The following MCTP1 variants were observed in gnomAD, a reference collection of about 807,000 sequenced individuals.
MCTP1 encodes multiple C2 and transmembrane domain-containing protein 1.
Under a neutral mutation model 120.6 loss-of-function variants are expected in MCTP1, and 69 were observed. The observed-to-expected ratio is 0.57, with a 90% CI of 0.47 to 0.70. The LOEUF (loss-of-function observed/expected upper bound fraction) is 0.70, where lower values mean the gene tolerates loss of function less well. Ranked by LOEUF, MCTP1 falls within the 30% of genes least tolerant of loss-of-function variation. The probability of loss-of-function intolerance (pLI) is 0.00; values close to 1 mark genes in which losing one functional copy is unlikely to be tolerated. For synonymous variants in MCTP1, 529 were observed against 493.1 expected (o/e 1.07, Z -0.96); for missense variants, 1,203 against 1,248.8 (o/e 0.96, Z 0.55).
intron 19 of MCTP1, among the ~76,000 whole-genome samples, chr5:94,725,557 C>T (rs966258084): frequency 2.6e-5 from 4 of 152,164 alleles, no homozygotes; most frequent in African/African-American, 7.2e-5. Flanking sequence ...TTGTTTACTT[C>T]ATTTTCAAAT....
At chr5:94,951,134 G>C (rs1314164008) in intron 3 of MCTP1, among the ~76,000 whole-genome samples, 1 of 151,994 alleles carries the variant, frequency 6.6e-6, no homozygotes, top group Non-Finnish European at 1.5e-5. Flanking sequence ...CCTTCCAACT[G>C]TCCAGTGTTT....
intron 20 of MCTP1, among the ~76,000 whole-genome samples, chr5:94,713,377 A>G (rs1342104407): frequency 6.6e-6 from 1 of 152,096 alleles, no homozygotes; most frequent in African/African-American, 2.4e-5. Flanking sequence ...TCCCTCAGCT[A>G]GTCATGTTTT....
At chr5:95,117,428 T>G (rs1675335064) in intron 1 of MCTP1, among the ~76,000 whole-genome samples, 1 of 145,240 alleles carries the variant, frequency 6.9e-6, no homozygotes, top group Non-Finnish European at 1.5e-5. Context: ...TCAACATCAC[T>G]GATCATTAAA....
chr5:94,868,136 G>T, intron 17 of MCTP1, 197 bp downstream of exon 17: 1 of 402,484 alleles, frequency 2.5e-6, no homozygotes, highest in Non-Finnish European at 4.2e-6. Flanking sequence ...AAATCTGAGG[G>T]GGGAAAATGT....
chr5:94,913,304 T>C (rs536542010), intron 8 of MCTP1, among the ~76,000 whole-genome samples: 2 of 152,348 alleles, frequency 1.3e-5, no homozygotes, highest in Admixed American at 6.5e-5. Context: ...CCAAAATATG[T>C]ATACAATAAA....
chr5:94,919,698 G>A (rs1811052289), intron 7 of MCTP1, among the ~76,000 whole-genome samples: 1 of 152,114 alleles, frequency 6.6e-6, no homozygotes, highest in Non-Finnish European at 1.5e-5. Context: ...ACTGTTTTGT[G>A]CTGCAAAGAC....
intron 1 of MCTP1, among the ~76,000 whole-genome samples, chr5:95,076,730 G>GTCC (rs1399647872): frequency 2.0e-5 from 3 of 152,162 alleles, no homozygotes. Context: ...GGAATAGAAT[G>GTCC]TCCTCAAACC....
At chr5:94,914,840 G>A (rs1161170145) in intron 8 of MCTP1, among the ~76,000 whole-genome samples, 2 of 152,128 alleles carry the variant, frequency 1.3e-5, no homozygotes, top group Non-Finnish European at 1.5e-5. Flanking sequence ...AATTTGTTGC[G>A]CCCAGTTATG....
At chr5:94,770,341 G>GA (rs1773769234) in intron 19 of MCTP1, among the ~76,000 whole-genome samples, 1 of 152,178 alleles carries the variant, frequency 6.6e-6, no homozygotes, top group Non-Finnish European at 1.5e-5. Context: ...CAAGAAAGGG[G>GA]AATAGAAGAG....
chr5:95,065,346 A>C (rs550505854), intron 1 of MCTP1, among the ~76,000 whole-genome samples: 43 of 152,208 alleles, frequency 2.8e-4, no homozygotes, highest in African/African-American at 8.2e-4. Flanking sequence ...TCACAAATAT[A>C]TATGTAAATA....
intron 21 of MCTP1, chr5:94,709,244 G>A (rs1755860132): frequency 1.3e-5 from 2 of 151,986 alleles, no homozygotes; most frequent in African/African-American, 4.8e-5. Context: ...TAAACTTCTG[G>A]AATCTTGATT....
At chr5:94,994,689 T>A (rs144638035) in intron 2 of MCTP1, among the ~76,000 whole-genome samples, 1,786 of 152,274 alleles carry the variant, frequency 0.012, 14 homozygotes, top group Middle Eastern at 0.061. Flanking sequence ...CCTGGGTGTG[T>A]CTGTGAGGGT....
Position 94,998,734 on chromosome 5 carries a change from C to T in MCTP1, c.838+18633G>A, listed in dbSNP as rs548044408. On this transcript the variant is annotated intron_variant, in intron 2 of 22. Coordinates refer to ENST00000515393, the MANE Select transcript of MCTP1 (RefSeq NM_024717.7). ...TTGTGCCCTATAGTTTACTTTTTGA[C>T]GTACAGGGCCAAATTCCACTGCATT... Among the ~76,000 whole-genome samples the T allele has an allele frequency of 5.9e-5, 9 of 152,300 alleles. No individual in the cohort carries two copies. The South Asian group carries it at 8.3e-4, about 14-fold the overall frequency.
chr5:94,943,071 T>C (rs76845182), intron 3 of MCTP1, among the ~76,000 whole-genome samples: 1 of 152,062 alleles, frequency 6.6e-6, no homozygotes, highest in African/African-American at 2.4e-5. Flanking sequence ...TCTTATTCAC[T>C]CTATGGTAAG....
At chr5:94,887,551 TAGAA>T (rs1450040217) in intron 12 of MCTP1, among the ~76,000 whole-genome samples, 1 of 152,192 alleles carries the variant, frequency 6.6e-6, no homozygotes, top group African/African-American at 2.4e-5. Context: ...ATAATCATAC[TAGAA>T]AGAAATTTCA....
Position 94,705,859 on chromosome 5 carries a change from C to A in MCTP1, c.*1637G>T, listed in dbSNP as rs896324747. 1 of 151,532 alleles carries A rather than the reference C, an allele frequency of 6.6e-6. No homozygotes were observed. The highest frequency in any genetic ancestry group is 2.4e-5 in the African/African-American group (1 of 41,348). The allele number at this position is 151,532 out of a possible 1,614,324, so 9.4% of individuals were successfully genotyped here. A position where few individuals can be genotyped will look rare whatever the true frequency, so the allele number is the denominator to read the frequency against. On this transcript the variant is annotated 3_prime_UTR_variant, in exon 23 of 23. Transcript: ENST00000515393. ...GCAACAAACAGTGATGGTATGCAGA[C>A]AGAAGCATGTCATTTTAAACATGAT...
At chr5:95,226,527 T>G (rs1428585690) in intron 1 of MCTP1, among the ~76,000 whole-genome samples, 1 of 152,140 alleles carries the variant, frequency 6.6e-6, no homozygotes, top group African/African-American at 2.4e-5. Context: ...CTGCCAATGC[T>G]TTCTGTAATT....
chr5:95,008,194 A>G (rs1835138599), intron 2 of MCTP1, among the ~76,000 whole-genome samples: 1 of 152,198 alleles, frequency 6.6e-6, no homozygotes, highest in Admixed American at 6.6e-5. Context: ...TCCCATCAGC[A>G]CAATGACAAT....
At chr5:94,963,474 CTTT>C (rs70978150) in intron 2 of MCTP1, among the ~76,000 whole-genome samples, 2 of 141,790 alleles carry the variant, frequency 1.4e-5, no homozygotes, top group Non-Finnish European at 1.5e-5. Flanking sequence ...CACTTGTTTT[CTTT>C]TTTTTTTTTT....
Sources: allele counts gnomAD v4.1 joint callset (sites outside exome capture counted in the v4.1 genomes callset), GRCh38; gene constraint gnomAD v4.1.1; transcripts MANE v1.5; gene names NCBI Gene and HGNC (gene_info 2026-07-23, HGNC 2026-07-21).